SDK2: variants seen among roughly 807,000 people sequenced by gnomAD.
The protein encoded by SDK2 is protein sidekick-2.
In SDK2, 105 loss-of-function variants were observed where a neutral mutation model predicts 253.9. The observed-to-expected ratio is 0.41, with a 90% CI of 0.35 to 0.49. The LOEUF is 0.49. SDK2 is among the 20% of genes least tolerant of loss of function. SDK2 has a pLI of 0.06. For missense variants in SDK2, 2,608 were observed against 3,003.0 expected, an observed-to-expected ratio of 0.87 and a Z score of 3.07; for synonymous variants, 1,249 against 1,234.9, an observed-to-expected ratio of 1.01 and a Z score of -0.24.
chr17:73,493,182 C>T (rs911995077), intron 2 of SDK2, among the ~76,000 whole-genome samples: 1 of 152,180 alleles, frequency 6.6e-6, no homozygotes, highest in African/African-American at 2.4e-5. Context: ...GTCTGTGCAC[C>T]CGTTAACCAG....
chr17:73,433,625 T>C, intron 10 of SDK2, 107 bp downstream of exon 10: 1 of 790,718 alleles, frequency 1.3e-6, no homozygotes, highest in Non-Finnish European at 2.1e-6. Context: ...TGTATGACCT[T>C]CACAAGTGTA....
rs139935290 is a variant in SDK2, at chr17:73,458,700, T to G, written c.332-2647A>C. Among the ~76,000 whole-genome samples, 612 of 152,288 alleles carry G rather than the reference T, an allele frequency of 4.0e-3. 4 individuals carry two copies. The highest frequency in any genetic ancestry group is 7.3e-3 in the Non-Finnish European group (499 of 68,006). ...TCCTTGCCAAGCTCTCCTTGCATCCTAAGTTCTGTTAAAATCTCCCCTTGG... is the reference window on the plus strand; with the variant it reads ...TCCTTGCCAAGCTCTCCTTGCATCCGAAGTTCTGTTAAAATCTCCCCTTGG... On this transcript the variant is annotated intron_variant, in intron 3 of 44. Transcript: ENST00000392650.
At chr17:73,451,732 G>T (rs902482790) in intron 4 of SDK2, among the ~76,000 whole-genome samples, 1 of 152,118 alleles carries the variant, frequency 6.6e-6, no homozygotes, top group Admixed American at 6.5e-5. Context: ...GTGAAGGAAG[G>T]TCCCTGGGCT....
Position 73,437,781 on chromosome 17 carries a change from C to T in SDK2, c.958G>A (p.Ala320Thr). ...ATGTCCACCACCTTCTCCATCTCCG[C>T]AGTGATGTGTCTTTCTGGCTCCTTG... Reference protein sequence around the residue: ...FVKEPERHITAEMEKVVDIPC... With the variant: ...FVKEPERHITTEMEKVVDIPC... The change falls in exon 8 of 45, where the codon GCG becomes ACG. Residue 320 changes from alanine to threonine, a missense_variant. Physicochemically the swap from Ala to Thr is moderately conservative, Grantham distance 58. This residue lies in a region of SDK2 where 1,505 missense variants were observed against 1,859.1 expected (regional missense o/e 0.81). Transcript: ENST00000392650. 6.2e-7 allele frequency: 1 copy of T among 1,614,042 alleles called. No homozygotes were observed. Among genetic ancestry groups the T allele is most frequent in the Non-Finnish European group, 8.5e-7 (1 of 1,179,906 alleles).
At chr17:73,350,575 TCA>T in intron 42 of SDK2, 73 bp downstream of exon 42, 1 of 1,505,586 alleles carries the variant, frequency 6.6e-7, no homozygotes, top group Non-Finnish European at 9.0e-7. Flanking sequence ...AGGGACCTGA[TCA>T]CCCCTGTTCT....
At chr17:73,624,738 C>T (rs535160716) in intron 1 of SDK2, among the ~76,000 whole-genome samples, 8 of 152,154 alleles carry the variant, frequency 5.3e-5, no homozygotes, top group Non-Finnish European at 1.2e-4. Flanking sequence ...CTCAGCCACT[C>T]AAGGAACTGG....
Position 73,631,013 on chromosome 17 carries a change from G to A in SDK2, c.64+13012C>T, listed in dbSNP as rs557709668. ...CTTCTCTGTCTTCGTGGGGCTCTGG[G>A]ACAGAGGAGCATGGGCAGTGGACAG... On this transcript the variant is annotated intron_variant, in intron 1 of 44. Coordinates refer to ENST00000392650, the MANE Select transcript of SDK2 (RefSeq NM_001144952.2). Among the ~76,000 whole-genome samples, 28 of 152,224 alleles carry A rather than the reference G, an allele frequency of 1.8e-4. No individual in the cohort carries two copies. In the South Asian group the frequency reaches 2.5e-3, roughly 14 times the overall value.
intron 3 of SDK2, 120 bp from the exon 4 acceptor site, chr17:73,456,173 A>G: frequency 8.8e-7 from 1 of 1,131,912 alleles, no homozygotes; most frequent in Non-Finnish European, 1.2e-6. Flanking sequence ...GGATGACCAC[A>G]GGGAAGGAGG....
chr17:73,373,860 C>A (rs1326213910), intron 36 of SDK2, among the ~76,000 whole-genome samples: 2 of 151,118 alleles, frequency 1.3e-5, no homozygotes, highest in Non-Finnish European at 2.9e-5. Flanking sequence ...TGGTCTCGAA[C>A]TACTGACCTC....
chr17:73,507,050 T>A (rs1047975038), intron 2 of SDK2, among the ~76,000 whole-genome samples: 4 of 152,194 alleles, frequency 2.6e-5, no homozygotes, highest in African/African-American at 7.2e-5. Context: ...CACCCCTCCA[T>A]TGGACCCAGG....
Position 73,481,563 on chromosome 17 carries a change from G to C in SDK2, c.225-9345C>G, listed in dbSNP as rs2063724062. Among the ~76,000 whole-genome samples, 1 of 152,078 alleles carries C rather than the reference G, an allele frequency of 6.6e-6. No homozygotes were observed. The highest frequency in any genetic ancestry group is 1.5e-5 in the Non-Finnish European group (1 of 68,014). ...GAGAAAGAGAGAGACAGAAAGACAG[G>C]AGACAGAGTGGTGAAAGCCCTCTCC... On this transcript the variant is annotated intron_variant, in intron 2 of 44. Coordinates refer to ENST00000392650, the MANE Select transcript of SDK2 (RefSeq NM_001144952.2). The surrounding 1 kb of genome is among the most constrained non-coding windows in gnomAD (Gnocchi z 4.5).
chr17:73,583,956 T>G (rs1194678325), intron 1 of SDK2, among the ~76,000 whole-genome samples: 1 of 152,214 alleles, frequency 6.6e-6, no homozygotes, highest in Non-Finnish European at 1.5e-5. Context: ...TGACTTCCGA[T>G]GATAGGACCC....
chr17:73,538,565 A>T (rs1006368674), intron 1 of SDK2, among the ~76,000 whole-genome samples: 1 of 152,232 alleles, frequency 6.6e-6, no homozygotes, highest in African/African-American at 2.4e-5. Context: ...ATTTGAAAAG[A>T]TGAATGGATG....
intron 12 of SDK2, among the ~76,000 whole-genome samples, chr17:73,426,946 G>A (rs886940314): frequency 5.3e-5 from 8 of 152,198 alleles, no homozygotes; most frequent in African/African-American, 7.2e-5. Flanking sequence ...TTAGCCAGGC[G>A]TGGTGGCGGG....
chr17:73,514,579 G>A (rs1599638775), intron 1 of SDK2, among the ~76,000 whole-genome samples: 1 of 152,178 alleles, frequency 6.6e-6, no homozygotes, highest in African/African-American at 2.4e-5. Context: ...GGAAGGGGGT[G>A]ATGGCTTCTG....
intron 1 of SDK2, among the ~76,000 whole-genome samples, chr17:73,557,177 T>C (rs1389398800): frequency 6.6e-6 from 1 of 152,182 alleles, no homozygotes; most frequent in Non-Finnish European, 1.5e-5. Flanking sequence ...AAGAAGTAAG[T>C]TTCAACTGAA....
chr17:73,555,455 A>G (rs892832724), intron 1 of SDK2, among the ~76,000 whole-genome samples: 15 of 152,142 alleles, frequency 9.9e-5, no homozygotes, highest in Admixed American at 2.0e-4. Flanking sequence ...CCTCGTCTCT[A>G]TGTACTGAGG....
rs374860580 is a variant in SDK2, at chr17:73,338,541, G to A, written c.*46C>T. On this transcript the variant is annotated 3_prime_UTR_variant, in exon 45 of 45. Coordinates refer to ENST00000392650, the MANE Select transcript of SDK2 (RefSeq NM_001144952.2). The surrounding 1 kb of genome is among the most constrained non-coding windows in gnomAD (Gnocchi z 5.0). The stretch of plus-strand genomic sequence containing the variant: ...GCAGGCAGTGAGAGGAGGGGTGAAG[G>A]AGGAGTTTGGTGCCATTTCTCTTTC... The A allele has an allele frequency of 7.8e-5, 89 of 1,147,836 alleles. 1 individual carries two copies. In the African/African-American group the frequency reaches 1.3e-3, roughly 17 times the overall value. The allele number at this position is 1,147,836 out of a possible 1,614,324, so 71.1% of individuals were successfully genotyped here.
chr17:73,377,596 G>C (rs1175392153), intron 36 of SDK2, among the ~76,000 whole-genome samples: 2 of 150,632 alleles, frequency 1.3e-5, no homozygotes, highest in African/African-American at 4.9e-5. Flanking sequence ...CGGGGGGTGA[G>C]AGCTGCCAGA....
Sources: allele counts gnomAD v4.1 joint callset (sites outside exome capture counted in the v4.1 genomes callset), GRCh38; gene constraint gnomAD v4.1.1; regional missense constraint gnomAD v4.1.1; non-coding constraint Gnocchi (gnomAD v3.1); transcripts MANE v1.5; gene names NCBI Gene and HGNC (gene_info 2026-07-23, HGNC 2026-07-21).